KCNQ5: variants seen among roughly 807,000 people sequenced by gnomAD.
The protein encoded by KCNQ5 is potassium voltage-gated channel subfamily KQT member 5.
KCNQ5 carries 30 observed loss-of-function variants against 98.2 expected under a neutral mutation model. The ratio of observed to expected loss-of-function variants is 0.31; its 90% CI spans 0.23 to 0.41. The LOEUF (loss-of-function observed/expected upper bound fraction) is 0.41. Ranked by LOEUF, KCNQ5 falls within the 10% of genes least tolerant of loss-of-function variation. KCNQ5 has a pLI of 1.00. For missense variants in KCNQ5, 835 were observed against 1,182.5 expected (o/e 0.71, Z 4.31); for synonymous variants, 458 against 449.4 (o/e 1.02, Z -0.24).
chr6:72,671,474 T>A (rs1484876681), intron 1 of KCNQ5, among the ~76,000 whole-genome samples: 1 of 152,190 alleles, frequency 6.6e-6, no homozygotes, highest in Non-Finnish European at 1.5e-5. Context: ...ACCACATACC[T>A]TTGTGGTTTT....
chr6:73,063,740 T>C (rs1282185341), intron 3 of KCNQ5, among the ~76,000 whole-genome samples: 1 of 142,950 alleles, frequency 7.0e-6, no homozygotes, highest in Non-Finnish European at 1.6e-5. Context: ...GATAGATAGA[T>C]AGATAGATAG....
rs778050852 is a variant in KCNQ5, at chr6:73,133,513, C to T, written c.1340C>T (p.Ser447Phe). 2 of 1,614,130 alleles carry T rather than the reference C, an allele frequency of 1.2e-6. No individual in the cohort carries two copies. Among genetic ancestry groups the T allele is most frequent in the Non-Finnish European group, 8.5e-7 (1 of 1,180,032 alleles). The change falls in exon 10 of 14, where the codon TCC becomes TTC. Residue 447 changes from serine (S) to phenylalanine (F), a missense_variant. Transcript: ENST00000370398. ...CAAGCCTCAGTAGGTGACAGGAGGT[C>T]CCCAAGCACCGACATCACAGCCGAG... ...SRQASVGDRRSPSTDITAEGS... is the reference protein window; with the variant it reads ...SRQASVGDRRFPSTDITAEGS...
At position 72,622,292 on chromosome 6, in the gene KCNQ5, G is replaced by C; in HGVS notation, c.103G>C (p.Gly35Arg). ...GGCGGGCGGGGGGCGCTTGGGCAGC[G>C]GCATGAAGGATGTGGAGTCCGGCCG... is the stretch of plus-strand genomic sequence containing the variant. ...AAAGGGRLGS[G>R]MKDVESGRGR... The change falls in exon 1 of 14, where the codon GGC becomes CGC. Residue 35 changes from glycine to arginine, a missense_variant. Physicochemically the swap from Gly to Arg is moderately radical, Grantham distance 125. This residue lies in a region of KCNQ5 where 80 missense variants were observed against 72.3 expected (regional missense o/e 1.11). Coordinates refer to ENST00000370398, the MANE Select transcript of KCNQ5 (RefSeq NM_019842.4). The surrounding 1 kb of genome is among the most constrained non-coding windows in gnomAD (Gnocchi z 6.0). The C allele has an allele frequency of 1.5e-6, 2 of 1,312,262 alleles. No individual in the cohort carries two copies. The highest frequency in any genetic ancestry group is 9.7e-7 in the Non-Finnish European group (1 of 1,034,352). 81.3% of individuals were successfully genotyped at this position (1,312,262 alleles called of 1,614,324 possible).
intron 3 of KCNQ5, chr6:73,055,550 A>G: frequency 1.4e-6 from 2 of 1,450,354 alleles, no homozygotes; most frequent in South Asian, 1.1e-5. Flanking sequence ...CTCCTGTGAG[A>G]GTCTGAAGGA....
At chr6:73,089,159 T>A (rs574328594) in intron 5 of KCNQ5, among the ~76,000 whole-genome samples, 1 of 152,314 alleles carries the variant, frequency 6.6e-6, no homozygotes, top group South Asian at 2.1e-4. Context: ...TGCAAGGTGC[T>A]TGGATTCAGC....
At chr6:73,061,073 C>T (rs914924701) in intron 3 of KCNQ5, among the ~76,000 whole-genome samples, 3 of 152,058 alleles carry the variant, frequency 2.0e-5, no homozygotes, top group Non-Finnish European at 4.4e-5. Flanking sequence ...CAATAAAATA[C>T]AGTGGAAGAC....
intron 1 of KCNQ5, among the ~76,000 whole-genome samples, chr6:72,729,215 G>C (rs764218313): frequency 6.6e-6 from 1 of 152,120 alleles, no homozygotes; most frequent in Non-Finnish European, 1.5e-5. Flanking sequence ...GACTAATCTT[G>C]TACGTGTGTC....
In KCNQ5 at chr6:72,847,171, CT is replaced by C. The variant is rs796445127; in HGVS notation, c.399-156730del. 7.9e-5 allele frequency among the ~76,000 whole-genome samples: 12 copies of C among 152,028 alleles called. No individual in the cohort carries two copies. The South Asian group carries it at 1.9e-3, about 24-fold the overall frequency. ...TGCACTCCAATAAAGTTGTTGTTTT[CT>C]TTTTTTCTTTGAGATGGAGTTTCAC... is the stretch of plus-strand genomic sequence containing the variant. On this transcript the variant is annotated intron_variant, in intron 1 of 13. Coordinates refer to ENST00000370398, the MANE Select transcript of KCNQ5 (RefSeq NM_019842.4).
At chr6:73,066,274 A>T (rs925424019) in intron 3 of KCNQ5, among the ~76,000 whole-genome samples, 1 of 152,190 alleles carries the variant, frequency 6.6e-6, no homozygotes, top group East Asian at 1.9e-4. Context: ...GGAACTTCAC[A>T]TTAAGATAGA....
chr6:72,686,908 A>G (rs1195993914), intron 1 of KCNQ5, among the ~76,000 whole-genome samples: 1 of 152,132 alleles, frequency 6.6e-6, no homozygotes, highest in Non-Finnish European at 1.5e-5. Context: ...ATAAGGGAAC[A>G]TATCTCAAAA....
At chr6:72,663,076 G>T (rs948468690) in intron 1 of KCNQ5, among the ~76,000 whole-genome samples, 2 of 152,034 alleles carry the variant, frequency 1.3e-5, no homozygotes, top group Non-Finnish European at 2.9e-5. Context: ...TTGTAAGTGG[G>T]AGTAGAACAA....
rs1765850716 is a variant in KCNQ5, at chr6:73,197,723, C to G, written c.*2309C>G. ...TATTAACAGAGGAAGAGGAGGGAGG[C>G]AGCAACTTTCAGGTAGCACTGATTC... On this transcript the variant is annotated 3_prime_UTR_variant, in exon 14 of 14. Transcript: ENST00000370398. The G allele has an allele frequency of 6.6e-6, 1 of 152,104 alleles. No homozygotes were observed. The allele number at this position is 152,104 out of a possible 1,614,324, so 9.4% of individuals were successfully genotyped here.
At chr6:72,999,501 A>G (rs1329657153) in intron 1 of KCNQ5, among the ~76,000 whole-genome samples, 2 of 152,194 alleles carry the variant, frequency 1.3e-5, no homozygotes, top group Non-Finnish European at 2.9e-5. Context: ...GGATTAACGT[A>G]TACATGGAAA....
At chr6:72,802,654 A>G (rs1045114733) in intron 1 of KCNQ5, among the ~76,000 whole-genome samples, 5 of 152,078 alleles carry the variant, frequency 3.3e-5, no homozygotes, top group Admixed American at 6.6e-5. Flanking sequence ...CTTTTTGCAC[A>G]TTTCTGAATC....
intron 1 of KCNQ5, among the ~76,000 whole-genome samples, chr6:72,955,622 T>C (rs1044767035): frequency 2.6e-5 from 4 of 152,200 alleles, no homozygotes; most frequent in Admixed American, 6.5e-5. Context: ...CAGATTAATA[T>C]AGAAGGAATT....
At chr6:72,884,965 T>G (rs1292669477) in intron 1 of KCNQ5, among the ~76,000 whole-genome samples, 1 of 152,086 alleles carries the variant, frequency 6.6e-6, no homozygotes, top group Non-Finnish European at 1.5e-5. Context: ...CTAATCATAA[T>G]AATTATTATA....
intron 1 of KCNQ5, among the ~76,000 whole-genome samples, chr6:72,868,073 TAG>T (rs1778064210): frequency 6.6e-6 from 1 of 152,182 alleles, no homozygotes; most frequent in Non-Finnish European, 1.5e-5. Context: ...GTCAGTCACA[TAG>T]AGTTACATGG....
chr6:73,063,694 A>AGATAGATAGAT (rs1582283914), intron 3 of KCNQ5, among the ~76,000 whole-genome samples: 14 of 42,282 alleles, frequency 3.3e-4, no homozygotes, highest in East Asian at 2.0e-3. Flanking sequence ...GATGATAGAT[A>AGATAGATAGAT]GATAGATAGA....
chr6:73,066,666 T>G (rs78947212), intron 3 of KCNQ5, among the ~76,000 whole-genome samples: 4 of 152,318 alleles, frequency 2.6e-5, no homozygotes, highest in African/African-American at 9.6e-5. Flanking sequence ...CCTTGAGACT[T>G]GCCAGTTCAA....
Sources: gnomAD v4.1 joint callset for allele counts (sites outside exome capture counted in the v4.1 genomes callset) on GRCh38, gnomAD v4.1.1 for gene constraint, gnomAD v4.1.1 regional missense constraint, Gnocchi (gnomAD v3.1) non-coding constraint, MANE v1.5 for transcripts, NCBI Gene and HGNC (gene_info 2026-07-23, HGNC 2026-07-21) for gene names.